Variants in ADARB2 observed in about 807,000 individuals in gnomAD.
ADARB2 encodes the protein inactive double-stranded RNA-specific editase B2.
In ADARB2, 25 loss-of-function variants were observed where a neutral mutation model predicts 62.2. That is an observed-to-expected ratio of 0.40 (90% CI 0.29 to 0.56). The LOEUF (loss-of-function observed/expected upper bound fraction) is 0.56, where lower values mean the gene tolerates loss of function less well. ADARB2 is among the 20% of genes least tolerant of loss of function. The pLI is 0.43. For synonymous variants in ADARB2, 572 were observed against 500.8 expected (o/e 1.14, Z -1.90); for missense variants, 1,071 against 1,077.4 (o/e 0.99, Z 0.08).
At position 1,211,882 on chromosome 10, in the gene ADARB2, T is replaced by A. The variant is rs79179261; in HGVS notation, c.1682+5069A>T. Among the ~76,000 whole-genome samples the A allele has an allele frequency of 2.3e-3, 349 of 152,376 alleles. 1 individual carries two copies. The highest frequency in any genetic ancestry group is 7.7e-3 in the African/African-American group (320 of 41,586). ...AGTACCTGTTACCTTTGTTTTACTA[T>A]ATTTAGTTCTAAGTTTATGTAATTT... On this transcript the variant is annotated intron_variant, in intron 7 of 9. Coordinates refer to ENST00000381312, the MANE Select transcript of ADARB2 (RefSeq NM_018702.4).
At chr10:1,603,127 ATACACACATAAACACACACACACCTG>A (rs1833446947) in intron 1 of ADARB2, among the ~76,000 whole-genome samples, 1 of 151,226 alleles carries the variant, frequency 6.6e-6, no homozygotes, top group African/African-American at 2.4e-5. Context: ...ACACACACCT[ATACACACATAAACACACACACACCTG>A]TACACACATT....
At position 1,704,625 on chromosome 10, in the gene ADARB2, C is replaced by T. The variant is rs996224918; in HGVS notation, c.100+32426G>A. Among the ~76,000 whole-genome samples the T allele has an allele frequency of 7.9e-5, 12 of 152,072 alleles. No individual in the cohort carries two copies. Among genetic ancestry groups the T allele is most frequent in the African/African-American group, 1.7e-4 (7 of 41,390 alleles). On this transcript the variant is annotated intron_variant, in intron 1 of 9. Coordinates refer to ENST00000381312, the MANE Select transcript of ADARB2 (RefSeq NM_018702.4). This position sits in a 1 kb window ranked among gnomAD's most constrained non-coding sequence, Gnocchi z 5.6. ...CCTGGACCAGTACCAGTCCTTGGCC[C>T]GGGGGCTGGAGACGTCTGAGTTAAA...
intron 1 of ADARB2, among the ~76,000 whole-genome samples, chr10:1,537,275 C>T (rs1445463779): frequency 6.6e-6 from 1 of 152,186 alleles, no homozygotes; most frequent in East Asian, 1.9e-4. Context: ...CCATCTCATG[C>T]CAGTCAGAAT....
chr10:1,339,699 C>T (rs535556962), intron 3 of ADARB2, among the ~76,000 whole-genome samples: 4 of 152,310 alleles, frequency 2.6e-5, no homozygotes, highest in African/African-American at 7.2e-5. Flanking sequence ...GCAGAGGGAG[C>T]GGGTGTGGGG....
At chr10:1,216,762 G>A (rs1365859897) in intron 7 of ADARB2, 189 bp downstream of exon 7, 3 of 755,352 alleles carry the variant, frequency 4.0e-6, no homozygotes, top group African/African-American at 3.6e-5. Flanking sequence ...GGGACTCGGG[G>A]TGCCTTGGCC....
At chr10:1,503,937 T>G (rs1831801073) in intron 1 of ADARB2, among the ~76,000 whole-genome samples, 1 of 152,198 alleles carries the variant, frequency 6.6e-6, no homozygotes, top group South Asian at 2.1e-4. Context: ...TGCAGAACCG[T>G]GAGCCATTTA....
At chr10:1,415,981 A>G (rs1356984195) in intron 1 of ADARB2, among the ~76,000 whole-genome samples, 1 of 152,220 alleles carries the variant, frequency 6.6e-6, no homozygotes, top group African/African-American at 2.4e-5. Context: ...TACTGGGTGA[A>G]TATCTCTAGA....
intron 2 of ADARB2, among the ~76,000 whole-genome samples, chr10:1,378,298 A>G (rs2387655): frequency 0.28 from 42,254 of 152,034 alleles, 6,980 homozygotes; most frequent in Non-Finnish European, 0.37. Context: ...ATGTGCCAGA[A>G]ATATTTGCAC....
intron 3 of ADARB2, among the ~76,000 whole-genome samples, chr10:1,273,607 C>T (rs536512500): frequency 2.0e-5 from 3 of 152,250 alleles, no homozygotes; most frequent in Non-Finnish European, 2.9e-5. Flanking sequence ...CTGTGCCCCC[C>T]ACGACCTTGC....
intron 1 of ADARB2, among the ~76,000 whole-genome samples, chr10:1,653,360 G>T (rs766839871): frequency 6.6e-6 from 1 of 152,174 alleles, no homozygotes; most frequent in African/African-American, 2.4e-5. Context: ...CTGGTGTCTG[G>T]CAGAGGGTGT....
chr10:1,642,384 C>T (rs1205576391), intron 1 of ADARB2, among the ~76,000 whole-genome samples: 1 of 152,140 alleles, frequency 6.6e-6, no homozygotes, highest in African/African-American at 2.4e-5. Flanking sequence ...ACTTCAGTTC[C>T]CCTATCTTCC....
chr10:1,650,240 G>T (rs1834093315), intron 1 of ADARB2, among the ~76,000 whole-genome samples: 1 of 152,194 alleles, frequency 6.6e-6, no homozygotes, highest in African/African-American at 2.4e-5. Flanking sequence ...TTTTTTGGGG[G>T]TAAGAAATTC....
chr10:1,210,746 A>G (rs1405053405), intron 7 of ADARB2, among the ~76,000 whole-genome samples: 1 of 152,130 alleles, frequency 6.6e-6, no homozygotes, highest in Non-Finnish European at 1.5e-5. Context: ...AGCACTTTGT[A>G]CCTCGTGGGG....
At chr10:1,409,347 T>A (rs1832735628) in intron 1 of ADARB2, among the ~76,000 whole-genome samples, 1 of 152,236 alleles carries the variant, frequency 6.6e-6, no homozygotes, top group Non-Finnish European at 1.5e-5. Flanking sequence ...AGAATTTTTC[T>A]CTTTTCAGAT....
intron 1 of ADARB2, among the ~76,000 whole-genome samples, chr10:1,471,805 G>C (rs1011173947): frequency 1.3e-5 from 2 of 152,276 alleles, no homozygotes; most frequent in Middle Eastern, 3.4e-3. Flanking sequence ...TGCTTCCCAG[G>C]TCCCTGTGCC....
chr10:1,294,360 C>T (rs917275740), intron 3 of ADARB2, among the ~76,000 whole-genome samples: 7 of 152,076 alleles, frequency 4.6e-5, no homozygotes, highest in East Asian at 1.9e-4. Flanking sequence ...TGGGACCTGG[C>T]GGGGTGACGT....
At chr10:1,301,819 G>A (rs1448471477) in intron 3 of ADARB2, among the ~76,000 whole-genome samples, 1 of 152,108 alleles carries the variant, frequency 6.6e-6, no homozygotes, top group Non-Finnish European at 1.5e-5. Flanking sequence ...AAGCAAAACT[G>A]GGCAGAAGCT....
At chr10:1,622,568 T>C (rs1833716420) in intron 1 of ADARB2, among the ~76,000 whole-genome samples, 3 of 151,940 alleles carry the variant, frequency 2.0e-5, no homozygotes, top group African/African-American at 7.3e-5. Flanking sequence ...AACAAAAACT[T>C]AAAAAGATGT....
intron 3 of ADARB2, among the ~76,000 whole-genome samples, chr10:1,308,964 A>G (rs888997868): frequency 3.3e-5 from 5 of 152,364 alleles, no homozygotes; most frequent in Middle Eastern, 3.4e-3. Context: ...ATCAAATTCC[A>G]TCAGATTCCT....
Sources: allele counts gnomAD v4.1 joint callset (sites outside exome capture counted in the v4.1 genomes callset), GRCh38; gene constraint gnomAD v4.1.1; non-coding constraint Gnocchi (gnomAD v3.1); transcripts MANE v1.5; gene names NCBI Gene and HGNC (gene_info 2026-07-23, HGNC 2026-07-21).